Variants in ATR observed in about 807,000 individuals in gnomAD.
ATR encodes the protein ATR checkpoint kinase.
A neutral mutation model predicts 305.3 loss-of-function variants in ATR; 142 were observed. That is an observed-to-expected ratio of 0.47 (90% confidence interval 0.41 to 0.53). The LOEUF is 0.53. Ranked by LOEUF, ATR falls within the 20% of genes least tolerant of loss-of-function variation. ATR has a pLI of 0.00. For synonymous variants in ATR, 1,050 were observed against 1,068.1 expected, an observed-to-expected ratio of 0.98 and a Z score of 0.33; for missense variants, 2,135 against 3,133.1, an observed-to-expected ratio of 0.68 and a Z score of 7.60.
At chr3:142,486,959 CA>C (rs60024459) in intron 35 of ATR, among the ~76,000 whole-genome samples, 10,385 of 69,754 alleles carry the variant, frequency 0.15, 282 homozygotes, top group African/African-American at 0.18. Flanking sequence ...ACTAAAAATA[CA>C]AAAAAAAAAA....
At chr3:142,453,262 A>G (rs1381342309) in intron 45 of ATR, 29 bp from the exon 46 acceptor site, 4 of 1,604,088 alleles carry the variant, frequency 2.5e-6, no homozygotes, top group African/African-American at 1.3e-5. Flanking sequence ...TTATGGTATG[A>G]TGTTATCTTT....
At chr3:142,511,201 T>TAC (rs145651691) in intron 27 of ATR, among the ~76,000 whole-genome samples, 6,206 of 150,114 alleles carry the variant, frequency 0.041, 396 homozygotes, top group African/African-American at 0.14. Flanking sequence ...AGTACACACA[T>TAC]ACACACACAC....
chr3:142,508,186 C>A, intron 27 of ATR, 77 bp from the exon 28 acceptor site: 1 of 1,214,944 alleles, frequency 8.2e-7, no homozygotes, highest in South Asian at 1.4e-5. Context: ...TATTTAAGTT[C>A]AATTTATTTC....
At chr3:142,509,532 A>T (rs1577597188) in intron 27 of ATR, among the ~76,000 whole-genome samples, 2 of 136,202 alleles carry the variant, frequency 1.5e-5, no homozygotes, top group African/African-American at 2.7e-5. Flanking sequence ...TTTGTAGATG[A>T]TTTCAAATTC....
rs2071135057 is a variant in ATR at position 142,466,516 on chromosome 3, G to T, written c.6705C>A (p.Ser2235=). ...TAAAATGAGTGCTCATGCTTAATGTGGAACTACTTCCATCAACCTGAAAAA... is the reference window on the plus strand; with the variant it reads ...TAAAATGAGTGCTCATGCTTAATGTTGAACTACTTCCATCAACCTGAAAAA... The part of the protein sequence containing the change: ...LCNKPVDGSS[S]TLSMSTHFKM... The change falls in exon 40 of 47, where the codon TCC becomes TCA. Residue 2235 remains serine, a synonymous_variant. Coordinates refer to ENST00000350721, the MANE Select transcript of ATR (RefSeq NM_001184.4). The T allele has an allele frequency of 5.0e-6, 8 of 1,613,222 alleles. No individual in the cohort carries two copies. The highest frequency in any genetic ancestry group is 5.9e-6 in the Non-Finnish European group (7 of 1,179,666).
intron 28 of ATR, among the ~76,000 whole-genome samples, chr3:142,507,344 C>G (rs187359249): frequency 1.1e-3 from 169 of 152,268 alleles, no homozygotes; most frequent in Middle Eastern, 3.4e-3. Flanking sequence ...CACTTGCCCC[C>G]ACTAACTCAC....
chr3:142,496,338 G>GTATATATATATACATGTATATATAT (rs2031643516), intron 34 of ATR, 23 bp downstream of exon 34: 1 of 837,022 alleles, frequency 1.2e-6, no homozygotes, highest in African/African-American at 2.6e-5. Flanking sequence ...ATATATATAT[G>GTATATATATATACATGTATATATAT]ATGACATTTC....
chr3:142,538,578 G>T lies in ATR; in HGVS notation c.3629C>A (p.Ser1210Tyr), dbSNP rs764664423. The change falls in exon 19 of 47, where the codon TCC (serine) becomes TAC (tyrosine). Residue 1210 changes from serine to tyrosine, a missense_variant. By Grantham distance (144) the Ser-to-Tyr change is moderately radical (BLOSUM62 -2). Transcript: ENST00000350721. Reference protein sequence around the residue: ...VRCLDHACLGSLLSHVIVALL... With the variant: ...VRCLDHACLGYLLSHVIVALL... ...AGCTACTATTACATGACTGAGAAGG[G>T]AGCCCAGACAAGCATGATCCAGGCA... The T allele has an allele frequency of 1.2e-6, 2 of 1,613,424 alleles. No homozygotes were observed. Among genetic ancestry groups the T allele is most frequent in the Non-Finnish European group, 1.7e-6 (2 of 1,179,650 alleles).
At chr3:142,533,024 T>C (rs549886446) in intron 21 of ATR, among the ~76,000 whole-genome samples, 2 of 152,082 alleles carry the variant, frequency 1.3e-5, no homozygotes, top group East Asian at 3.9e-4. Flanking sequence ...TTAGGCCAGG[T>C]AGAGTGGCTC....
At chr3:142,479,024 G>A (rs979550851) in intron 36 of ATR, among the ~76,000 whole-genome samples, 9 of 152,120 alleles carry the variant, frequency 5.9e-5, no homozygotes, top group African/African-American at 2.2e-4. Context: ...GCACACTGAT[G>A]GGTCTTGACT....
chr3:142,564,527 A>G (rs2034997717), intron 3 of ATR, among the ~76,000 whole-genome samples: 1 of 152,206 alleles, frequency 6.6e-6, no homozygotes, highest in African/African-American at 2.4e-5. Flanking sequence ...CATTCTTTCA[A>G]CTAAAATTTG....
chr3:142,538,201 T>C (rs1437867574), intron 19 of ATR, among the ~76,000 whole-genome samples: 1 of 152,174 alleles, frequency 6.6e-6, no homozygotes, highest in East Asian at 1.9e-4. Flanking sequence ...GCCTTTTGAC[T>C]GTGAAAAGAA....
rs1265172953 is a variant in ATR at position 142,556,479 on chromosome 3, T to C, written c.1982A>G (p.Gln661Arg). 6.2e-7 allele frequency: 1 copy of C among 1,613,998 alleles called. No homozygotes were observed. Among genetic ancestry groups the C allele is most frequent in the African/African-American group, 1.3e-5 (1 of 74,930 alleles). Residue 661 changes from glutamine (Q) to arginine (R), a missense_variant, in exon 9 of 47, where the codon CAG becomes CGG. By Grantham distance (43) the Gln-to-Arg change is conservative. Around this residue, in one of 9 missense-constraint regions of ATR, gnomAD observed 744 missense variants for 873.2 expected, o/e 0.85. Transcript: ENST00000350721. ...WRTAVYNWAL[Q>R]SSHEVIRASC... The stretch of plus-strand genomic sequence containing the variant: ...AGCCCGGATTACTTCATGGGAGCTC[T>C]GCAGGGCCCAGTTGTAAACTGCTGT...
At chr3:142,504,950 G>A (rs2032162500) in intron 29 of ATR, among the ~76,000 whole-genome samples, 189 bp downstream of exon 29, 1 of 152,040 alleles carries the variant, frequency 6.6e-6, no homozygotes, top group Non-Finnish European at 1.5e-5. Flanking sequence ...GGGAGGCTGA[G>A]GCAGAATTGC....
At chr3:142,501,274 C>T (rs2031949175) in intron 30 of ATR, among the ~76,000 whole-genome samples, 1 of 108,996 alleles carries the variant, frequency 9.2e-6, no homozygotes, top group South Asian at 2.5e-4. Context: ...TTTGACACCC[C>T]AATTTGAGCC....
chr3:142,507,830 C>G, intron 28 of ATR, 101 bp downstream of exon 28: 1 of 1,132,642 alleles, frequency 8.8e-7, no homozygotes, highest in Non-Finnish European at 1.3e-6. Context: ...CTATAAGCTT[C>G]TAAGCATAGC....
chr3:142,457,458 T>C, intron 45 of ATR, 146 bp downstream of exon 45: 2 of 939,996 alleles, frequency 2.1e-6, no homozygotes, highest in South Asian at 3.6e-5. Flanking sequence ...ATTTATGGTA[T>C]ATAAATTATA....
intron 45 of ATR, among the ~76,000 whole-genome samples, chr3:142,454,159 A>T (rs1384599723): frequency 6.6e-6 from 1 of 152,200 alleles, no homozygotes; most frequent in Non-Finnish European, 1.5e-5. Flanking sequence ...TCCTGGAAGT[A>T]TACCCTCTGG....
At chr3:142,514,588 C>G (rs1470145723) in intron 25 of ATR, among the ~76,000 whole-genome samples, 2 of 149,968 alleles carry the variant, frequency 1.3e-5, no homozygotes, top group Non-Finnish European at 3.0e-5. Context: ...GAGCTGAGAT[C>G]GCGCCACTGC....
Sources: allele counts gnomAD v4.1 joint callset (sites outside exome capture counted in the v4.1 genomes callset), GRCh38; gene constraint gnomAD v4.1.1; regional missense constraint gnomAD v4.1.1; transcripts MANE v1.5; gene names NCBI Gene and HGNC (gene_info 2026-07-23, HGNC 2026-07-21).